Variants in TRIM71 observed in about 807,000 individuals in gnomAD.
TRIM71 encodes the protein tripartite motif containing 71, also known as E3 ubiquitin-protein ligase TRIM71.
Under a neutral mutation model 61.2 loss-of-function variants are expected in TRIM71, and 9 were observed. That is an observed-to-expected ratio of 0.15 (90% CI 0.09 to 0.26). The LOEUF (loss-of-function observed/expected upper bound fraction) is 0.26. TRIM71 is among the 10% of genes least tolerant of loss of function. The probability of loss-of-function intolerance (pLI) is 1.00; values close to 1 mark genes in which losing one functional copy is unlikely to be tolerated. For missense variants in TRIM71, 998 were observed against 1,238.7 expected, an observed-to-expected ratio of 0.81 and a Z score of 2.92; for synonymous variants, 645 against 553.2, an observed-to-expected ratio of 1.17 and a Z score of -2.33.
intron 1 of TRIM71, among the ~76,000 whole-genome samples, chr3:32,843,931 T>C (rs951287829): frequency 2.0e-5 from 3 of 152,102 alleles, no homozygotes; most frequent in Admixed American, 6.6e-5. Context: ...TTTAATGTTA[T>C]GCAAATAACT....
At position 32,818,677 on chromosome 3, in the gene TRIM71, C is replaced by T. The variant is rs755272832; in HGVS notation, c.597C>T (p.Cys199=). ...TGCTGCTCCGCCGTCCTCACGGCTG[C>T]AGCTCGTGCGATGAGGGCAACGCAG... is the stretch of plus-strand genomic sequence containing the variant. The part of the protein sequence containing the change: ...SALLLRRPHG[C]SSCDEGNAAS... Residue 199 remains cysteine, a synonymous_variant, in exon 1 of 4, where the codon TGC becomes TGT. Transcript: ENST00000383763. 31 of 1,553,858 alleles carry T rather than the reference C, an allele frequency of 2.0e-5. No homozygotes were observed. The highest frequency in any genetic ancestry group is 2.4e-5 in the Non-Finnish European group (28 of 1,158,416).
intron 1 of TRIM71, among the ~76,000 whole-genome samples, chr3:32,867,515 C>T (rs1480785583): frequency 1.3e-5 from 2 of 152,016 alleles, no homozygotes; most frequent in East Asian, 1.9e-4. Context: ...TGCGGCGGTG[C>T]GATCATGGCT....
intron 1 of TRIM71, among the ~76,000 whole-genome samples, chr3:32,825,509 T>C (rs1474512773): frequency 2.0e-5 from 3 of 152,206 alleles, no homozygotes; most frequent in Non-Finnish European, 4.4e-5. Flanking sequence ...TGTTCATTCT[T>C]AGCAAATAAA....
At chr3:32,862,633 C>T (rs558849106) in intron 1 of TRIM71, among the ~76,000 whole-genome samples, 81 of 152,340 alleles carry the variant, frequency 5.3e-4, no homozygotes, top group African/African-American at 1.9e-3. Context: ...TTGGAGGCAG[C>T]TGGAAAACTT....
intron 1 of TRIM71, among the ~76,000 whole-genome samples, chr3:32,832,836 G>A (rs1015407777): frequency 2.0e-5 from 3 of 151,984 alleles, no homozygotes; most frequent in African/African-American, 7.3e-5. Context: ...GAAATAATTG[G>A]TGTATCAGGG....
At chr3:32,865,500 T>G (rs960835868) in intron 1 of TRIM71, among the ~76,000 whole-genome samples, 2 of 152,170 alleles carry the variant, frequency 1.3e-5, no homozygotes, top group African/African-American at 2.4e-5. Flanking sequence ...GAAACTACTT[T>G]GTCTGACTCT....
At chr3:32,836,088 T>C (rs1696330949) in intron 1 of TRIM71, among the ~76,000 whole-genome samples, 1 of 152,132 alleles carries the variant, frequency 6.6e-6, no homozygotes, top group Admixed American at 6.6e-5. Flanking sequence ...AACCCTCTCT[T>C]ATAGAAGGGA....
chr3:32,838,084 A>C (rs921605933), intron 1 of TRIM71, among the ~76,000 whole-genome samples: 3 of 152,212 alleles, frequency 2.0e-5, no homozygotes, highest in Non-Finnish European at 4.4e-5. Flanking sequence ...GACACAAAGC[A>C]ATAAACAGGG....
At chr3:32,870,882 G>A (rs1474241865) in intron 1 of TRIM71, among the ~76,000 whole-genome samples, 2 of 152,016 alleles carry the variant, frequency 1.3e-5, no homozygotes, top group African/African-American at 4.8e-5. Context: ...CCATGGTCAC[G>A]GCTCACTGCA....
intron 1 of TRIM71, among the ~76,000 whole-genome samples, chr3:32,829,054 T>A (rs1321042561): frequency 6.6e-6 from 1 of 151,640 alleles, no homozygotes; most frequent in African/African-American, 2.4e-5. Context: ...AGTGCAGTGA[T>A]GTGATCTCGG....
intron 1 of TRIM71, among the ~76,000 whole-genome samples, chr3:32,859,501 G>A (rs763487963): frequency 3.9e-4 from 59 of 152,184 alleles, no homozygotes; most frequent in Non-Finnish European, 4.4e-4. Flanking sequence ...CAGGTGATCC[G>A]CCTGCCTTGG....
Position 32,891,915 on chromosome 3 carries a change from C to A in TRIM71, c.*104C>A. ...TTTTGAATTTCAAAGAAGAAACAGT[C>A]TCAGGGAAATTTCTTTTTTCTTTTT... On this transcript the variant is annotated 3_prime_UTR_variant, in exon 4 of 4. Coordinates refer to ENST00000383763, the MANE Select transcript of TRIM71 (RefSeq NM_001039111.3). This position sits in a 1 kb window ranked among gnomAD's most constrained non-coding sequence, Gnocchi z 8.2. The A allele has an allele frequency of 1.4e-6, 2 of 1,458,918 alleles. No homozygotes were observed. The highest frequency in any genetic ancestry group is 1.8e-6 in the Non-Finnish European group (2 of 1,106,260). The allele number at this position is 1,458,918 out of a possible 1,614,324, so 90.4% of individuals were successfully genotyped here.
Position 32,886,082 on chromosome 3 carries a change from C to A in TRIM71, c.1155+14C>A. Reference sequence around the variant, plus strand: ...CTGCTGTGGAAGGTAACAGGGAGAGCTCCCCCACCCAGGCTGTGCCCACTC... The same window carrying A: ...CTGCTGTGGAAGGTAACAGGGAGAGATCCCCCACCCAGGCTGTGCCCACTC... On this transcript the variant is annotated intron_variant, in intron 3 of 3. Coordinates refer to ENST00000383763, the MANE Select transcript of TRIM71 (RefSeq NM_001039111.3). 1 of 1,607,800 alleles carries A rather than the reference C, an allele frequency of 6.2e-7. No individual in the cohort carries two copies. The highest frequency in any genetic ancestry group is 8.5e-7 in the Non-Finnish European group (1 of 1,176,974).
chr3:32,818,976 G>C (rs780440667), intron 1 of TRIM71, 44 bp downstream of exon 1: 8 of 1,594,904 alleles, frequency 5.0e-6, no homozygotes, highest in African/African-American at 2.7e-5. Context: ...GGATAACTGC[G>C]TGTGTGCTCA....
chr3:32,850,092 G>A (rs1422784054), intron 1 of TRIM71, among the ~76,000 whole-genome samples: 1 of 152,194 alleles, frequency 6.6e-6, no homozygotes, highest in Non-Finnish European at 1.5e-5. Flanking sequence ...ATGGAGGTTC[G>A]TTGTCTTCCA....
At chr3:32,880,629 T>G (rs1696898824) in intron 2 of TRIM71, among the ~76,000 whole-genome samples, 1 of 152,190 alleles carries the variant, frequency 6.6e-6, no homozygotes, top group Non-Finnish European at 1.5e-5. Context: ...GAGTTGGCCA[T>G]AACAAGAACA....
intron 2 of TRIM71, among the ~76,000 whole-genome samples, chr3:32,881,969 G>C (rs1696913389): frequency 6.6e-6 from 1 of 152,184 alleles, no homozygotes; most frequent in Admixed American, 6.5e-5. Flanking sequence ...CAAAAGCTTT[G>C]AATCCCCCTT....
At chr3:32,883,600 C>G (rs748616803) in intron 2 of TRIM71, among the ~76,000 whole-genome samples, 5 of 152,202 alleles carry the variant, frequency 3.3e-5, no homozygotes, top group Non-Finnish European at 5.9e-5. Flanking sequence ...ATAACCTCAT[C>G]TTAGCTAATT....
At chr3:32,824,262 C>G (rs930130379) in intron 1 of TRIM71, among the ~76,000 whole-genome samples, 1 of 152,046 alleles carries the variant, frequency 6.6e-6, no homozygotes, top group Non-Finnish European at 1.5e-5. Context: ...ACTACAACCT[C>G]CACCTCACGG....
Sources: allele counts gnomAD v4.1 joint callset (sites outside exome capture counted in the v4.1 genomes callset), GRCh38; gene constraint gnomAD v4.1.1; non-coding constraint Gnocchi (gnomAD v3.1); transcripts MANE v1.5; gene names NCBI Gene and HGNC (gene_info 2026-07-23, HGNC 2026-07-21).